The following ADGRE3 variants were observed in gnomAD, a reference collection of about 807,000 sequenced individuals.
ADGRE3 encodes EGF-like module receptor 3.
ADGRE3 carries 88 observed loss-of-function variants against 80.1 expected under a neutral mutation model. The ratio of observed to expected loss-of-function variants is 1.10; its 90% CI spans 0.93 to 1.31. The LOEUF is 1.31. Ranked by LOEUF, ADGRE3 falls within the 40% of genes most tolerant of loss-of-function variation. The probability of loss-of-function intolerance (pLI) is 0.00; values close to 1 mark genes in which losing one functional copy is unlikely to be tolerated. For missense variants in ADGRE3, 715 were observed against 776.5 expected (o/e 0.92, Z 0.94); for synonymous variants, 281 against 294.8 (o/e 0.95, Z 0.48).
intron 11 of ADGRE3, among the ~76,000 whole-genome samples, chr19:14,636,018 T>C (rs1266095913): frequency 2.4e-5 from 2 of 82,182 alleles, no homozygotes; most frequent in South Asian, 4.6e-4. Context: ...TCTTTCTTCC[T>C]TCCTTCCTTC....
intron 5 of ADGRE3, among the ~76,000 whole-genome samples, chr19:14,658,160 T>G (rs192804887): frequency 3.1e-3 from 466 of 152,180 alleles, no homozygotes; most frequent in Admixed American, 5.2e-3. Flanking sequence ...ACTGTATATA[T>G]AGTGATATAT....
intron 8 of ADGRE3, among the ~76,000 whole-genome samples, chr19:14,646,903 T>C (rs575492684): frequency 4.3e-4 from 66 of 152,064 alleles, no homozygotes; most frequent in African/African-American, 1.6e-3. Context: ...CCCGAGTAGC[T>C]GGAAGTATAG....
chr19:14,645,333 A>G (rs1971368125), intron 8 of ADGRE3, among the ~76,000 whole-genome samples: 1 of 152,176 alleles, frequency 6.6e-6, no homozygotes, highest in African/African-American at 2.4e-5. Flanking sequence ...GGCATGATAT[A>G]GGAAAGAAAA....
At chr19:14,650,997 G>T in intron 7 of ADGRE3, 88 bp downstream of exon 7, 1 of 1,437,182 alleles carries the variant, frequency 7.0e-7, no homozygotes, top group East Asian at 2.3e-5. Flanking sequence ...AAGCCCATGA[G>T]GGGAGAGCCC....
chr19:14,613,609 T>C, the ADGRE3 span, among the ~76,000 whole-genome samples: 1 of 152,076 alleles, frequency 6.6e-6, no homozygotes, highest in Non-Finnish European at 1.5e-5. Context: ...GGAGAGCAGG[T>C]GGTGGGAGAG....
At chr19:14,658,677 C>G (rs1253256435) in intron 4 of ADGRE3, 127 bp from the exon 5 acceptor site, 7 of 437,008 alleles carry the variant, frequency 1.6e-5, no homozygotes, top group Non-Finnish European at 2.5e-5. Context: ...AATTCATAGT[C>G]TTTATCTGCT....
chr19:14,611,666 G>A, the ADGRE3 span, among the ~76,000 whole-genome samples: 1 of 152,120 alleles, frequency 6.6e-6, no homozygotes, highest in Non-Finnish European at 1.5e-5. Context: ...GCCAGCACGT[G>A]CCCTTGAGCT....
the ADGRE3 span, among the ~76,000 whole-genome samples, chr19:14,606,374 C>CAAAAAA: frequency 1.1e-5 from 1 of 94,728 alleles, no homozygotes. Flanking sequence ...GACCCTGTCT[C>CAAAAAA]AAAAAAAAAA....
chr19:14,612,073 A>G, the ADGRE3 span, among the ~76,000 whole-genome samples: 1 of 152,110 alleles, frequency 6.6e-6, no homozygotes, highest in African/African-American at 2.4e-5. Flanking sequence ...AGCTCTTGCA[A>G]TGTTAGTGCT....
Position 14,620,548 on chromosome 19 carries a change from T to TATATATAATATA in ADGRE3, c.1921-1078_1921-1077insTATATTATATAT. Among the ~76,000 whole-genome samples, 61 of 24,938 alleles carry TATATATAATATA rather than the reference T, an allele frequency of 2.4e-3. 1 individual carries two copies. The highest frequency in any genetic ancestry group is 3.3e-3 in the South Asian group (2 of 604). 16.4% of individuals were successfully genotyped at this position (24,938 alleles called of 152,430 possible). A position where few individuals can be genotyped will look rare whatever the true frequency, so the allele number is the denominator to read the frequency against. ...TGAATATATATATTTTATATATATA[T>TATATATAATATA]TATATATATATATATATATATTTTT... is the stretch of plus-strand genomic sequence containing the variant. On this transcript the variant is annotated intron_variant, in intron 15 of 15. Coordinates refer to ENST00000253673, the MANE Select transcript of ADGRE3 (RefSeq NM_032571.5).
downstream of ADGRE3, among the ~76,000 whole-genome samples, chr19:14,617,341 C>CCTTTCTTTCTTTCTTTCTTT (rs1555752261): frequency 4.2e-3 from 238 of 57,260 alleles, 2 homozygotes; most frequent in South Asian, 5.1e-3. Flanking sequence ...TCCCTCCCTC[C>CCTTTCTTTCTTTCTTTCTTT]CTTTCTTTCT....
chr19:14,618,553 C>A (rs2075096577), downstream of ADGRE3, among the ~76,000 whole-genome samples: 1 of 148,392 alleles, frequency 6.7e-6, no homozygotes, highest in South Asian at 2.1e-4. Flanking sequence ...GACTCAGTCT[C>A]AGAAGAAAAT....
intron 11 of ADGRE3, among the ~76,000 whole-genome samples, chr19:14,636,295 C>T (rs1478230246): frequency 6.7e-6 from 1 of 148,780 alleles, no homozygotes; most frequent in Non-Finnish European, 1.5e-5. Flanking sequence ...TCACAGCTCA[C>T]TGCAACTTCC....
In ADGRE3 at chr19:14,638,086, A is replaced by G. The variant is rs370820665; in HGVS notation, c.1484+19T>C. Reference sequence around the variant, plus strand: ...TTCTTAGGAAACTGTCCATGACACAAGGTGGGATTCAAGCTCACCGATCAG... The same window carrying G: ...TTCTTAGGAAACTGTCCATGACACAGGGTGGGATTCAAGCTCACCGATCAG... On this transcript the variant is annotated intron_variant, in intron 11 of 15. Coordinates refer to ENST00000253673, the MANE Select transcript of ADGRE3 (RefSeq NM_032571.5). The G allele has an allele frequency of 6.1e-5, 96 of 1,575,844 alleles. No homozygotes were observed. In the African/African-American group the frequency reaches 1.0e-3, roughly 17 times the overall value.
downstream of ADGRE3, among the ~76,000 whole-genome samples, chr19:14,617,341 C>CCTCCCTCCCTCTCTCTCTTTCTTT: frequency 1.0e-4 from 6 of 57,170 alleles, no homozygotes; most frequent in Admixed American, 2.0e-4. Context: ...TCCCTCCCTC[C>CCTCCCTCCCTCTCTCTCTTTCTTT]CTTTCTTTCT....
At chr19:14,613,766 ACCT>A in the ADGRE3 span, among the ~76,000 whole-genome samples, 2 of 151,710 alleles carry the variant, frequency 1.3e-5, no homozygotes, top group Admixed American at 6.6e-5. Flanking sequence ...GCTCACTGCA[ACCT>A]CCTCCTCCTG....
chr19:14,625,729 A>ATATT (rs1970721643), intron 14 of ADGRE3, 130 bp from the exon 15 acceptor site: 2 of 630,702 alleles, frequency 3.2e-6, no homozygotes, highest in African/African-American at 3.7e-5. Context: ...GTCTATTCGT[A>ATATT]CAATGGAATA....
At chr19:14,610,243 A>G in the ADGRE3 span, 399 of 1,543,236 alleles carry the variant, frequency 2.6e-4, 1 homozygote, top group East Asian at 9.0e-3. Context: ...TCTCTTTGAG[A>G]TGAGAATCTC....
downstream of ADGRE3, among the ~76,000 whole-genome samples, chr19:14,617,377 C>CTTTTTCTTTCTTTCTTT (rs1491527496): frequency 1.3e-4 from 11 of 86,306 alleles, no homozygotes; most frequent in Non-Finnish European, 2.0e-4. Context: ...TTTCTTTCTT[C>CTTTTTCTTTCTTTCTTT]CTTTCTTTCT....
Sources: allele counts gnomAD v4.1 joint callset (sites outside exome capture counted in the v4.1 genomes callset), GRCh38; gene constraint gnomAD v4.1.1; transcripts MANE v1.5; gene names NCBI Gene and HGNC (gene_info 2026-07-23, HGNC 2026-07-21).